Variants in PKD2L2 observed in about 807,000 individuals in gnomAD.
The protein encoded by PKD2L2 is polycystin-2-like protein 2.
PKD2L2 carries 67 observed loss-of-function variants against 83.9 expected under a neutral mutation model. The ratio of observed to expected loss-of-function variants is 0.80; its 90% CI spans 0.66 to 0.98. The LOEUF is 0.98. PKD2L2 is among the 50% of genes least tolerant of loss of function. The pLI, the probability that PKD2L2 is intolerant of heterozygous loss-of-function variation, is 0.00. For synonymous variants in PKD2L2, 223 were observed against 237.8 expected, an observed-to-expected ratio of 0.94 and a Z score of 0.57; for missense variants, 632 against 717.2, an observed-to-expected ratio of 0.88 and a Z score of 1.36.
At chr5:137,910,782 A>G (rs1757766570) in intron 8 of PKD2L2, among the ~76,000 whole-genome samples, 1 of 82,256 alleles carries the variant, frequency 1.2e-5, no homozygotes. Flanking sequence ...CTGTCTCAAA[A>G]AAAAAAGAAA....
chr5:137,897,760 A>G (rs1392523458), intron 4 of PKD2L2, among the ~76,000 whole-genome samples: 1 of 152,148 alleles, frequency 6.6e-6, no homozygotes, highest in Non-Finnish European at 1.5e-5. Context: ...TCATTAAAAC[A>G]TAGGTACTTT....
At chr5:137,904,717 A>G (rs1424761086) in intron 5 of PKD2L2, among the ~76,000 whole-genome samples, 1 of 152,184 alleles carries the variant, frequency 6.6e-6, no homozygotes, top group Non-Finnish European at 1.5e-5. Flanking sequence ...TCAAGTCGCA[A>G]GTTTACCTAT....
chr5:137,919,985 G>A (rs1758742641), intron 8 of PKD2L2, among the ~76,000 whole-genome samples: 2 of 152,118 alleles, frequency 1.3e-5, no homozygotes, highest in South Asian at 4.1e-4. Context: ...ATCACCTAAG[G>A]TCAGGAATTT....
At chr5:137,901,006 A>G (rs1382939902) in intron 5 of PKD2L2, among the ~76,000 whole-genome samples, 2 of 152,012 alleles carry the variant, frequency 1.3e-5, no homozygotes, top group South Asian at 2.1e-4. Flanking sequence ...GCGTGGTGGC[A>G]CAGCCTGTAA....
At chr5:137,939,747 A>T in intron 14 of PKD2L2, 2 of 586,522 alleles carry the variant, frequency 3.4e-6, no homozygotes, top group Non-Finnish European at 4.5e-6. Flanking sequence ...AAAACAGAGA[A>T]CACAGTTGCG....
chr5:137,940,160 T>C, intron 14 of PKD2L2: 9 of 1,613,350 alleles, frequency 5.6e-6, no homozygotes, highest in South Asian at 1.1e-5. Context: ...ACCAGCCAAG[T>C]ACACACGATG....
Position 137,913,220 on chromosome 5 carries a change from G to A in PKD2L2, c.1328+4274G>A, listed in dbSNP as rs1580939799. On this transcript the variant is annotated intron_variant, in intron 8 of 14. Coordinates refer to ENST00000508883, the MANE Select transcript of PKD2L2 (RefSeq NM_001300921.2). ...TTTTTTTTTGAGACAGTCTCACTCT[G>A]TTGCCCAAGGTGGAGTGCAGTGGCA... 1.7e-5 allele frequency among the ~76,000 whole-genome samples: 2 copies of A among 119,944 alleles called. 1 individual carries two copies. The highest frequency in any genetic ancestry group is 6.5e-5 in the African/African-American group (2 of 30,844). 78.7% of individuals were successfully genotyped at this position (119,944 alleles called of 152,430 possible).
At chr5:137,896,984 T>C (rs1321942401) in intron 4 of PKD2L2, among the ~76,000 whole-genome samples, 5 of 149,832 alleles carry the variant, frequency 3.3e-5, no homozygotes, top group Non-Finnish European at 4.4e-5. Context: ...TGAGGACTTG[T>C]ATGATTCTTA....
chr5:137,936,808 C>T (rs774755653), intron 14 of PKD2L2, among the ~76,000 whole-genome samples: 1 of 152,182 alleles, frequency 6.6e-6, no homozygotes, highest in African/African-American at 2.4e-5. Flanking sequence ...CCTTTTCAGG[C>T]ACACTTTAAA....
chr5:137,912,468 G>T (rs1262651062), intron 8 of PKD2L2, among the ~76,000 whole-genome samples: 5 of 152,130 alleles, frequency 3.3e-5, no homozygotes, highest in African/African-American at 1.2e-4. Context: ...CTAGGTTCAA[G>T]TGATTCTCCC....
chr5:137,937,447 T>C (rs1334185537), intron 14 of PKD2L2, among the ~76,000 whole-genome samples: 2 of 152,192 alleles, frequency 1.3e-5, no homozygotes, highest in Non-Finnish European at 2.9e-5. Context: ...GTTGGAAAGT[T>C]GTGTGTGGCT....
chr5:137,893,197 T>G (rs1756145997), intron 3 of PKD2L2, among the ~76,000 whole-genome samples: 1 of 152,204 alleles, frequency 6.6e-6, no homozygotes. Context: ...TTTTAAAAAT[T>G]TCTTTAATTG....
chr5:137,927,581 A>T (rs1759481910), intron 12 of PKD2L2, among the ~76,000 whole-genome samples: 1 of 152,210 alleles, frequency 6.6e-6, no homozygotes, highest in South Asian at 2.1e-4. Flanking sequence ...ATGAATATTA[A>T]TTTTTTATTC....
chr5:137,898,843 T>C (rs1756715383), intron 4 of PKD2L2, among the ~76,000 whole-genome samples: 1 of 152,096 alleles, frequency 6.6e-6, no homozygotes, highest in Non-Finnish European at 1.5e-5. Context: ...GCAGTTCTGC[T>C]TCAGACTCCT....
At chr5:137,890,320 A>C in intron 1 of PKD2L2, 161 bp from the exon 2 acceptor site, 1 of 550,840 alleles carries the variant, frequency 1.8e-6, no homozygotes, top group South Asian at 2.8e-5. Context: ...TAGTAAAAAA[A>C]TTATCCCTGC....
chr5:137,941,807 A>C, intron 14 of PKD2L2: 1 of 678,662 alleles, frequency 1.5e-6, no homozygotes, highest in Non-Finnish European at 2.5e-6. Flanking sequence ...TCAGAGCATA[A>C]AGGAATGTTT....
At chr5:137,916,475 C>CTT (rs1169529107) in intron 8 of PKD2L2, among the ~76,000 whole-genome samples, 2,816 of 93,132 alleles carry the variant, frequency 0.03, 154 homozygotes, top group African/African-American at 0.033. Flanking sequence ...CACTTTTCTT[C>CTT]TTTTTTTTTT....
intron 9 of PKD2L2, among the ~76,000 whole-genome samples, chr5:137,922,729 C>T (rs1356170473): frequency 2.0e-5 from 3 of 151,988 alleles, no homozygotes; most frequent in Non-Finnish European, 4.4e-5. Flanking sequence ...CAGGGTGGGA[C>T]CCTGTCTCAA....
At chr5:137,904,433 T>C (rs1380601300) in intron 5 of PKD2L2, among the ~76,000 whole-genome samples, 2 of 152,178 alleles carry the variant, frequency 1.3e-5, no homozygotes, top group Non-Finnish European at 2.9e-5. Context: ...CATCTAATAC[T>C]ATGCCATAAA....
Sources: allele counts gnomAD v4.1 joint callset (sites outside exome capture counted in the v4.1 genomes callset), GRCh38; gene constraint gnomAD v4.1.1; transcripts MANE v1.5; gene names NCBI Gene and HGNC (gene_info 2026-07-23, HGNC 2026-07-21).